Variants in CDON observed in about 807,000 individuals in gnomAD.
The protein encoded by CDON is cell adhesion molecule-related/down-regulated by oncogenes.
In CDON, 73 loss-of-function variants were observed where a neutral mutation model predicts 120.9. The ratio of observed to expected loss-of-function variants is 0.60; its 90% CI spans 0.50 to 0.73. CDON has a LOEUF of 0.73. Among genes scored for constraint, CDON ranks in the 30% least tolerant of loss-of-function variants. The pLI is 0.00. For missense variants in CDON, 1,470 were observed against 1,587.3 expected (o/e 0.93, Z 1.26); for synonymous variants, 566 against 573.5 (o/e 0.99, Z 0.19).
chr11:125,979,226 T>G (rs1435095034), intron 17 of CDON, among the ~76,000 whole-genome samples: 1 of 152,220 alleles, frequency 6.6e-6, no homozygotes, highest in East Asian at 1.9e-4. Context: ...GTTCAGGCAA[T>G]TGTTTTTCCT....
chr11:125,962,630 C>A (rs893878746), intron 18 of CDON, among the ~76,000 whole-genome samples: 1 of 152,182 alleles, frequency 6.6e-6, no homozygotes, highest in Non-Finnish European at 1.5e-5. Flanking sequence ...CCTTTACGTA[C>A]AATGTGTGTT....
chr11:125,998,339 C>T lies in CDON; in HGVS notation c.2159-929G>A, dbSNP rs186052551. On this transcript the variant is annotated intron_variant, in intron 11 of 19. Coordinates refer to ENST00000531738, the MANE Select transcript of CDON (RefSeq NM_001378964.1). ...AGGTGTCTGTGTCATGGGGGTGGTTCCCTCATGATGGCCTGGTGCCCTCCC... is the reference window on the plus strand; with the variant it reads ...AGGTGTCTGTGTCATGGGGGTGGTTTCCTCATGATGGCCTGGTGCCCTCCC... Among the ~76,000 whole-genome samples, 835 of 152,182 alleles carry T rather than the reference C, an allele frequency of 5.5e-3. 3 individuals carry two copies. Among genetic ancestry groups the T allele is most frequent in the Non-Finnish European group, 8.7e-3 (595 of 68,008 alleles).
At chr11:126,036,537 C>T (rs1396430608) in intron 1 of CDON, among the ~76,000 whole-genome samples, 1 of 141,980 alleles carries the variant, frequency 7.0e-6, no homozygotes, top group African/African-American at 2.6e-5. Flanking sequence ...CATAGTCAAA[C>T]AATAACAGAC....
chr11:126,027,988 T>TA (rs56843636), intron 1 of CDON, among the ~76,000 whole-genome samples: 1 of 145,010 alleles, frequency 6.9e-6, no homozygotes, highest in South Asian at 2.2e-4. Flanking sequence ...TTTTTTTTTT[T>TA]ACTTTAGGGT....
At chr11:126,044,458 T>A (rs1948350820) in intron 1 of CDON, among the ~76,000 whole-genome samples, 1 of 152,208 alleles carries the variant, frequency 6.6e-6, no homozygotes, top group East Asian at 1.9e-4. Flanking sequence ...CACAGCACTA[T>A]TCACAATTGC....
intron 1 of CDON, among the ~76,000 whole-genome samples, chr11:126,041,188 TAAAAAAAA>T (rs562515383): frequency 5.3e-5 from 5 of 94,098 alleles, no homozygotes; most frequent in Non-Finnish European, 1.1e-4. Context: ...TGAGACTGTC[TAAAAAAAA>T]AAAAAAAAAA....
intron 18 of CDON, among the ~76,000 whole-genome samples, chr11:125,963,670 A>C (rs373715561): frequency 5.3e-5 from 8 of 152,344 alleles, no homozygotes; most frequent in African/African-American, 1.7e-4. Flanking sequence ...CAAATAGAGA[A>C]ATATACTCAC....
chr11:126,006,948 A>C (rs1359434348), intron 8 of CDON, among the ~76,000 whole-genome samples: 1 of 152,226 alleles, frequency 6.6e-6, no homozygotes, highest in East Asian at 1.9e-4. Flanking sequence ...GAAGAAATTA[A>C]GGTTCAGAGA....
At chr11:125,983,822 TG>T in intron 16 of CDON, 49 bp downstream of exon 16, 1 of 1,311,712 alleles carries the variant, frequency 7.6e-7, no homozygotes, top group Non-Finnish European at 1.1e-6. Flanking sequence ...TGACAATATT[TG>T]TCTACCCACC....
intron 1 of CDON, among the ~76,000 whole-genome samples, chr11:126,050,174 C>A (rs1296961520): frequency 2.0e-5 from 3 of 149,460 alleles, no homozygotes; most frequent in Non-Finnish European, 4.4e-5. Context: ...TCAATAGTAT[C>A]TAGAATGCAG....
In CDON at chr11:126,023,533, G is replaced by T. The variant is rs11829014; in HGVS notation, c.-57C>A. ...CTTCCAGAGCAAAACCCAGTCCTTG[G>T]TTCACTAAAAAAGAAAAAGGAAAGA... On this transcript the variant is annotated 5_prime_UTR_variant, in exon 2 of 20. Coordinates refer to ENST00000531738, the MANE Select transcript of CDON (RefSeq NM_001378964.1). The T allele has an allele frequency of 8.1e-7, 1 of 1,236,598 alleles. No homozygotes were observed. Among genetic ancestry groups the T allele is most frequent in the Non-Finnish European group, 1.2e-6 (1 of 835,992 alleles). 76.6% of individuals were successfully genotyped at this position (1,236,598 alleles called of 1,614,324 possible).
intron 7 of CDON, chr11:126,014,764 A>T (rs1947411198): frequency 6.3e-6 from 1 of 157,510 alleles, no homozygotes; most frequent in Non-Finnish European, 1.4e-5. Context: ...ATGAGAAGAT[A>T]TCCCAAGATG....
intron 18 of CDON, among the ~76,000 whole-genome samples, chr11:125,975,704 G>A (rs1357112512): frequency 6.6e-6 from 1 of 152,216 alleles, no homozygotes; most frequent in Non-Finnish European, 1.5e-5. Flanking sequence ...GAATAGGAGT[G>A]GGAGTAGAGC....
At chr11:126,037,694 C>T (rs987806937) in intron 1 of CDON, among the ~76,000 whole-genome samples, 9 of 152,044 alleles carry the variant, frequency 5.9e-5, no homozygotes, top group Non-Finnish European at 2.9e-5. Flanking sequence ...GACAGGATCC[C>T]TAATTTTCTA....
At chr11:125,983,322 T>C (rs1215490263) in intron 16 of CDON, among the ~76,000 whole-genome samples, 2 of 152,140 alleles carry the variant, frequency 1.3e-5, no homozygotes, top group Non-Finnish European at 2.9e-5. Flanking sequence ...AGGGCCATCA[T>C]CGATGTTCAA....
At chr11:125,991,241 A>G (rs1198325007) in intron 14 of CDON, among the ~76,000 whole-genome samples, 1 of 152,224 alleles carries the variant, frequency 6.6e-6, no homozygotes, top group Admixed American at 6.5e-5. Flanking sequence ...AAATTATAGG[A>G]AATATCAGCA....
chr11:126,061,894 G>C (rs1948805916), intron 1 of CDON, among the ~76,000 whole-genome samples: 1 of 152,156 alleles, frequency 6.6e-6, no homozygotes, highest in African/African-American at 2.4e-5. Context: ...GGTGGGGTTA[G>C]GGAGAACAAT....
At chr11:126,061,226 TG>T (rs1443179387) in intron 1 of CDON, among the ~76,000 whole-genome samples, 1 of 152,198 alleles carries the variant, frequency 6.6e-6, no homozygotes, top group Non-Finnish European at 1.5e-5. Context: ...CTTTACAAAA[TG>T]AAACAGGTTT....
Position 125,967,097 on chromosome 11 carries a change from T to C in CDON, c.3357-5099A>G, listed in dbSNP as rs117108162. Among the ~76,000 whole-genome samples the C allele has an allele frequency of 9.6e-3, 1,448 of 151,332 alleles. 22 individuals are homozygous for C. The highest frequency in any genetic ancestry group is 0.01 in the Non-Finnish European group (701 of 67,856). ...GAATGCAGGGAATTCTGAATAAATA[T>C]GGATTGCAAAAGCAGTAATGTTAAT... On this transcript the variant is annotated intron_variant, in intron 18 of 19. Coordinates refer to ENST00000531738, the MANE Select transcript of CDON (RefSeq NM_001378964.1).
Sources: allele counts gnomAD v4.1 joint callset (sites outside exome capture counted in the v4.1 genomes callset), GRCh38; gene constraint gnomAD v4.1.1; transcripts MANE v1.5; gene names NCBI Gene and HGNC (gene_info 2026-07-23, HGNC 2026-07-21).